Variants in SYNE2 observed in about 807,000 individuals in gnomAD.
SYNE2 encodes spectrin repeat containing nuclear envelope protein 2.
A neutral mutation model predicts 856.3 loss-of-function variants in SYNE2; 431 were observed. The ratio of observed to expected loss-of-function variants is 0.50; its 90% confidence interval spans 0.47 to 0.55. The LOEUF (loss-of-function observed/expected upper bound fraction) is 0.55. Ranked by LOEUF, SYNE2 falls within the 20% of genes least tolerant of loss-of-function variation. SYNE2 has a pLI of 0.00. For synonymous variants in SYNE2, 2,923 were observed against 2,872.3 expected (o/e 1.02, Z -0.56); for missense variants, 8,129 against 8,023.2 (o/e 1.01, Z -0.50).
chr14:64,119,680 G>A, intron 67 of SYNE2, 71 bp downstream of exon 67: 1 of 1,527,226 alleles, frequency 6.5e-7, no homozygotes, highest in East Asian at 2.3e-5. Flanking sequence ...AGAGAACTCT[G>A]GTTGGAAGTG....
At chr14:63,823,158 C>A (rs1010125692) in intron 1 of SYNE2, among the ~76,000 whole-genome samples, 1 of 151,818 alleles carries the variant, frequency 6.6e-6, no homozygotes, top group Non-Finnish European at 1.5e-5. Context: ...GCCCACTTGA[C>A]TTCTCAGCTG....
chr14:64,170,169 G>C (rs1476890287), intron 93 of SYNE2, 59 bp from the exon 94 acceptor site: 2 of 1,538,856 alleles, frequency 1.3e-6, no homozygotes, highest in African/African-American at 2.7e-5. Context: ...ATTACCCACT[G>C]ATAGTTATTT....
Position 64,202,873 on chromosome 14 carries a change from G to T in SYNE2, c.18111G>T (p.Trp6037Cys), listed in dbSNP as rs1476936326. The T allele has an allele frequency of 6.2e-7, 1 of 1,614,110 alleles. No individual in the cohort carries two copies. The highest frequency in any genetic ancestry group is 8.5e-7 in the Non-Finnish European group (1 of 1,180,024). Residue 6037 changes from tryptophan to cysteine, a missense_variant, in exon 100 of 116, where the codon TGG becomes TGT. By Grantham distance (215) the Trp-to-Cys change is radical. This residue lies in a region of SYNE2 where 5,410 missense variants were observed against 5,284.8 expected (regional missense o/e 1.02). Coordinates refer to ENST00000555002, the MANE Select transcript of SYNE2 (RefSeq NM_182914.3). ...LDKNMSNLRT[W>C]LARIESELSK... ...AAAACATGAGCAACCTTCGCACCTG[G>T]TTGGCTCGAATTGAGTCTGAGCTTT...
At chr14:63,838,411 T>A (rs1008219513) in intron 1 of SYNE2, among the ~76,000 whole-genome samples, 10 of 152,198 alleles carry the variant, frequency 6.6e-5, no homozygotes, top group Non-Finnish European at 1.3e-4. Flanking sequence ...TTAAAATTTG[T>A]GCATTTTATT....
At chr14:64,086,369 C>T (rs1355568748) in intron 57 of SYNE2, among the ~76,000 whole-genome samples, 3 of 152,202 alleles carry the variant, frequency 2.0e-5, no homozygotes, top group Non-Finnish European at 4.4e-5. Flanking sequence ...TATGTCTATA[C>T]TTTCACCAAT....
intron 1 of SYNE2, among the ~76,000 whole-genome samples, chr14:63,809,150 CTTTAT>C (rs1254178626): frequency 2.0e-5 from 3 of 151,938 alleles, no homozygotes; most frequent in Admixed American, 1.3e-4. Flanking sequence ...CGATCTGCTC[CTTTAT>C]TTTATTTTTT....
chr14:63,902,407 CAAA>C (rs10533353), intron 1 of SYNE2, among the ~76,000 whole-genome samples: 827 of 74,612 alleles, frequency 0.011, 2 homozygotes, highest in Middle Eastern at 0.016. Context: ...CGAGACTCCT[CAAA>C]AAAAAAAAAA....
chr14:64,089,524 T>C, intron 58 of SYNE2, 50 bp from the exon 59 acceptor site: 2 of 1,557,264 alleles, frequency 1.3e-6, no homozygotes, highest in Non-Finnish European at 1.8e-6. Context: ...GTTTTATAGA[T>C]GATTAATATA....
chr14:64,198,611 T>C (rs1024140624), intron 99 of SYNE2, among the ~76,000 whole-genome samples: 13 of 152,182 alleles, frequency 8.5e-5, no homozygotes, highest in African/African-American at 3.1e-4. Flanking sequence ...TGTCACTTGG[T>C]GACCTTCTTT....
intron 108 of SYNE2, 168 bp from the exon 109 acceptor site, chr14:64,218,230 C>T (rs1287071285): frequency 7.7e-6 from 5 of 649,416 alleles, no homozygotes; most frequent in Non-Finnish European, 1.4e-5. Context: ...GCTTTGCCAG[C>T]TTATAAATGC....
At chr14:63,818,723 G>A (rs1337371083) in intron 1 of SYNE2, among the ~76,000 whole-genome samples, 3 of 144,576 alleles carry the variant, frequency 2.1e-5, no homozygotes, top group Non-Finnish European at 4.5e-5. Flanking sequence ...TTTTGAGATG[G>A]AGTCTTGCTC....
At position 64,122,094 on chromosome 14, in the gene SYNE2, G is replaced by A. The variant is rs1020799360; in HGVS notation, c.13241G>A (p.Cys4414Tyr). 6 of 1,613,928 alleles carry A rather than the reference G, an allele frequency of 3.7e-6. No individual in the cohort carries two copies. In the African/African-American group the frequency reaches 6.7e-5, roughly 18 times the overall value. ...FNAKKMWPQY[C>Y]QHDNDTTQES... ...GCTAAGAAAATGTGGCCCCAGTATT[G>A]CCAACATGATAACGATACAACTCAG... The change falls in exon 69 of 116, where the codon TGC becomes TAC. Residue 4414 changes from cysteine to tyrosine, a missense_variant. By Grantham distance (194) the Cys-to-Tyr change is radical. Around this residue, in one of 3 missense-constraint regions of SYNE2, gnomAD observed 5,410 missense variants for 5,284.8 expected, o/e 1.02. Transcript: ENST00000555002.
At position 64,091,037 on chromosome 14, in the gene SYNE2, G is replaced by C. The variant is rs2097608116; in HGVS notation, c.11965G>C (p.Glu3989Gln). ...GGAAAATGTGACTCAAGAACAAAAT[G>C]AGTTATTAAAGGTAAGCAGTTTCTG... is the stretch of plus-strand genomic sequence containing the variant. Reference protein sequence around the residue: ...LLENVTQEQNELLKVVIKQTN... With the variant: ...LLENVTQEQNQLLKVVIKQTN... The change falls in exon 60 of 116, where the codon GAG becomes CAG. Residue 3989 changes from glutamate (E) to glutamine (Q), a missense_variant. Glu to Gln is a conservative substitution (Grantham distance 29, BLOSUM62 2). Transcript: ENST00000555002. 6.2e-7 allele frequency: 1 copy of C among 1,613,824 alleles called. No individual in the cohort carries two copies. The highest frequency in any genetic ancestry group is 1.1e-5 in the South Asian group (1 of 91,078).
At chr14:64,110,886 GGC>G (rs1260200284) in intron 65 of SYNE2, among the ~76,000 whole-genome samples, 1 of 151,974 alleles carries the variant, frequency 6.6e-6, no homozygotes, top group African/African-American at 2.4e-5. Context: ...GGGTTCCTCA[GGC>G]CACCCTCAGC....
intron 99 of SYNE2, among the ~76,000 whole-genome samples, chr14:64,200,036 A>G (rs1168773985): frequency 6.6e-6 from 1 of 152,090 alleles, no homozygotes; most frequent in East Asian, 1.9e-4. Flanking sequence ...ACAGTTCAAG[A>G]TCACCACAGT....
intron 61 of SYNE2, among the ~76,000 whole-genome samples, chr14:64,097,574 G>T (rs2097687396): frequency 6.6e-6 from 1 of 152,222 alleles, no homozygotes; most frequent in Non-Finnish European, 1.5e-5. Context: ...AGACTCCGGG[G>T]CCCTGCCCCG....
At chr14:64,038,191 A>C (rs2097114081) in intron 45 of SYNE2, among the ~76,000 whole-genome samples, 1 of 146,374 alleles carries the variant, frequency 6.8e-6, no homozygotes, top group African/African-American at 2.6e-5. Context: ...CGCTCCCCAC[A>C]TCTCAGACGA....
chr14:64,221,758 G>C (rs1454061964), intron 112 of SYNE2, 54 bp downstream of exon 112: 2 of 1,603,296 alleles, frequency 1.2e-6, no homozygotes, highest in Non-Finnish European at 1.7e-6. Context: ...CAGCCCCAGA[G>C]AGGCAGCACA....
rs547816438 is a variant in SYNE2 at position 63,823,538 on chromosome 14, A to G, written c.-304-28963A>G. 2.4e-4 allele frequency among the ~76,000 whole-genome samples: 37 copies of G among 152,206 alleles called. 2 individuals carry two copies. In the South Asian group the frequency reaches 7.7e-3, roughly 32 times the overall value. ...GTACTTCACAAACTCTCAAAAAATA[A>G]AAGAGGAGGGAACACTCCCTAAAAC... On this transcript the variant is annotated intron_variant, in intron 1 of 23. Coordinates refer to the SYNE2 transcript ENST00000674003.
Sources: gnomAD v4.1 joint callset for allele counts (sites outside exome capture counted in the v4.1 genomes callset) on GRCh38, gnomAD v4.1.1 for gene constraint, gnomAD v4.1.1 regional missense constraint, MANE v1.5 for transcripts, NCBI Gene and HGNC (gene_info 2026-07-23, HGNC 2026-07-21) for gene names.